Variants in TRPC1 observed in about 807,000 individuals in gnomAD.
TRPC1 encodes transient receptor potential cation channel subfamily C member 1.
In TRPC1, 42 loss-of-function variants were observed where a neutral mutation model predicts 88.2. The observed-to-expected ratio is 0.48, with a 90% confidence interval of 0.37 to 0.62. TRPC1 has a LOEUF of 0.62. TRPC1 is among the 20% of genes least tolerant of loss of function. The probability of loss-of-function intolerance (pLI) is 0.00; values close to 1 mark genes in which losing one functional copy is unlikely to be tolerated. For synonymous variants in TRPC1, 288 were observed against 331.8 expected (o/e 0.87, Z 1.43); for missense variants, 699 against 957.3 (o/e 0.73, Z 3.56).
chr3:142,742,113 A>C (rs1338247294), intron 2 of TRPC1, among the ~76,000 whole-genome samples: 2 of 151,818 alleles, frequency 1.3e-5, no homozygotes, highest in Non-Finnish European at 2.9e-5. Flanking sequence ...CAGTGAGCCA[A>C]GATTGTGCCA....
At chr3:142,755,333 G>A (rs1184000590) in intron 4 of TRPC1, among the ~76,000 whole-genome samples, 1 of 152,152 alleles carries the variant, frequency 6.6e-6, no homozygotes, top group Non-Finnish European at 1.5e-5. Flanking sequence ...GCTGAGGCAG[G>A]AGAATCACTT....
intron 3 of TRPC1, among the ~76,000 whole-genome samples, chr3:142,746,383 C>A (rs1934557032): frequency 6.6e-6 from 1 of 151,918 alleles, no homozygotes; most frequent in Non-Finnish European, 1.5e-5. Flanking sequence ...AACATGAGGA[C>A]CACTTTTCTC....
Position 142,780,849 on chromosome 3 carries a change from A to G in TRPC1, c.780A>G (p.Glu260=). ...CATTTTATAGGAATGATTATGAGGA[A>G]CTAGCCCGGCAATGTAAAATGTTTG... The part of the protein sequence containing the change: ...VEVEFRNDYE[E]LARQCKMFAK... Residue 260 remains glutamate, a synonymous_variant, in exon 6 of 13, where the codon GAA becomes GAG. Coordinates refer to ENST00000476941, the MANE Select transcript of TRPC1 (RefSeq NM_001251845.2). The G allele has an allele frequency of 6.2e-7, 1 of 1,609,684 alleles. No individual in the cohort carries two copies. The highest frequency in any genetic ancestry group is 8.5e-7 in the Non-Finnish European group (1 of 1,178,068).
intron 7 of TRPC1, among the ~76,000 whole-genome samples, chr3:142,785,491 TTTTTG>T (rs568298624): frequency 6.6e-5 from 10 of 152,122 alleles, no homozygotes; most frequent in African/African-American, 1.2e-4. Flanking sequence ...AGCTTTTTGG[TTTTTG>T]TTTTGTTTTG....
At chr3:142,760,938 G>A (rs1404980138) in intron 4 of TRPC1, among the ~76,000 whole-genome samples, 1 of 151,800 alleles carries the variant, frequency 6.6e-6, no homozygotes, top group Non-Finnish European at 1.5e-5. Context: ...GTTGATTTTT[G>A]TATCCTGCAA....
At chr3:142,795,852 T>C (rs978117660) in intron 9 of TRPC1, among the ~76,000 whole-genome samples, 34 of 152,252 alleles carry the variant, frequency 2.2e-4, no homozygotes, top group Non-Finnish European at 3.8e-4. Context: ...TTGTTGTTTC[T>C]TTTGCTTTTA....
At chr3:142,804,235 A>G in intron 11 of TRPC1, 57 bp downstream of exon 11, 2 of 1,493,584 alleles carry the variant, frequency 1.3e-6, no homozygotes, top group Non-Finnish European at 1.9e-6. Flanking sequence ...AAGTGCATAC[A>G]ATAGATAAGA....
intron 7 of TRPC1, chr3:142,785,417 T>A (rs1269045494): frequency 6.3e-6 from 1 of 159,336 alleles, no homozygotes; most frequent in Non-Finnish European, 1.4e-5. Flanking sequence ...TATACTGTTG[T>A]GCATTTTTAA....
chr3:142,792,639 CATA>C lies in TRPC1; in HGVS notation c.1438-178_1438-176del, dbSNP rs758945261. ...ATATAGAGTGATAATGCCTCACATA[CATA>C]ATAATATTTTATTTCATTAAAATAT... On this transcript the variant is annotated intron_variant, in intron 8 of 12. Transcript: ENST00000476941. The surrounding 1 kb of genome is among the most constrained non-coding windows in gnomAD (Gnocchi z 4.0). 1.3e-5 allele frequency among the ~76,000 whole-genome samples: 2 copies of C among 151,966 alleles called. No individual in the cohort carries two copies. The highest frequency in any genetic ancestry group is 1.5e-5 in the Non-Finnish European group (1 of 67,904).
intron 1 of TRPC1, among the ~76,000 whole-genome samples, chr3:142,731,937 C>G (rs1289705058): frequency 6.6e-6 from 1 of 152,154 alleles, no homozygotes; most frequent in Non-Finnish European, 1.5e-5. Flanking sequence ...CATCCACTAT[C>G]ATTTGTTTAC....
At chr3:142,727,285 T>C (rs1370451417) in intron 1 of TRPC1, among the ~76,000 whole-genome samples, 2 of 151,710 alleles carry the variant, frequency 1.3e-5, no homozygotes, top group Non-Finnish European at 2.9e-5. Flanking sequence ...ATTCTTTTCA[T>C]GTAGCATTCT....
chr3:142,800,594 G>C (rs762965872), intron 9 of TRPC1, among the ~76,000 whole-genome samples: 1 of 152,024 alleles, frequency 6.6e-6, no homozygotes, highest in African/African-American at 2.4e-5. Context: ...TTGAGGAAGG[G>C]TTGTTTCAAA....
At position 142,807,400 on chromosome 3, in the gene TRPC1, G is replaced by C. The variant is rs1019600497; in HGVS notation, c.*1165G>C. On this transcript the variant is annotated 3_prime_UTR_variant, in exon 13 of 13. Coordinates refer to ENST00000476941, the MANE Select transcript of TRPC1 (RefSeq NM_001251845.2). ...AATTTTTGGTGTGTTCACATAAAGG[G>C]ATGTAGCTAAAATGTTTTCATAGGC... 1.3e-5 allele frequency: 2 copies of C among 152,082 alleles called. No individual in the cohort carries two copies. Among genetic ancestry groups the C allele is most frequent in the African/African-American group, 4.8e-5 (2 of 41,392 alleles). 9.4% of individuals were successfully genotyped at this position (152,082 alleles called of 1,614,324 possible).
Position 142,725,078 on chromosome 3 carries a change from A to C in TRPC1, c.172+347A>C, listed in dbSNP as rs891728282. 2.0e-5 allele frequency among the ~76,000 whole-genome samples: 3 copies of C among 152,304 alleles called. No individual in the cohort carries two copies. In the South Asian group the frequency reaches 6.2e-4, roughly 32 times the overall value. ...TGACCTGGTCTTCTCTCTGGCTCGCAGTTCATTCCTTCCGGGAGTCGAGAG... is the reference window on the plus strand; with the variant it reads ...TGACCTGGTCTTCTCTCTGGCTCGCCGTTCATTCCTTCCGGGAGTCGAGAG... On this transcript the variant is annotated intron_variant, in intron 1 of 12. Transcript: ENST00000476941.
rs1388878479 is a variant in TRPC1, at chr3:142,807,865, T to C, written c.*1630T>C. On this transcript the variant is annotated 3_prime_UTR_variant, in exon 13 of 13. Transcript: ENST00000476941. Reference sequence around the variant, plus strand: ...ATATTGTAAGAAAAAAAAAGGTGAATAAAATTTGACATTAGATTATAAATG... The same window carrying C: ...ATATTGTAAGAAAAAAAAAGGTGAACAAAATTTGACATTAGATTATAAATG... 1 of 152,182 alleles carries C rather than the reference T, an allele frequency of 6.6e-6. No homozygotes were observed. Among genetic ancestry groups the C allele is most frequent in the African/African-American group, 2.4e-5 (1 of 41,454 alleles). 9.4% of individuals were successfully genotyped at this position (152,182 alleles called of 1,614,324 possible).
intron 9 of TRPC1, among the ~76,000 whole-genome samples, chr3:142,800,273 G>GGC (rs1045946873): frequency 6.6e-6 from 1 of 152,042 alleles, no homozygotes; most frequent in Non-Finnish European, 1.5e-5. Context: ...TTTGTAAGGG[G>GGC]GCCAAGTGAG....
chr3:142,749,835 T>C (rs893123033), intron 4 of TRPC1, among the ~76,000 whole-genome samples: 2 of 152,168 alleles, frequency 1.3e-5, no homozygotes, highest in African/African-American at 4.8e-5. Flanking sequence ...GGATTCCCTA[T>C]TTAATAAATA....
chr3:142,754,011 G>A (rs796179900), intron 4 of TRPC1, among the ~76,000 whole-genome samples: 22 of 149,076 alleles, frequency 1.5e-4, no homozygotes, highest in African/African-American at 5.5e-4. Flanking sequence ...CCTGTGCCCA[G>A]GAGGTTGAGG....
chr3:142,778,926 GTACTT>G (rs758867351), intron 5 of TRPC1, among the ~76,000 whole-genome samples: 3 of 152,174 alleles, frequency 2.0e-5, no homozygotes, highest in East Asian at 1.9e-4. Context: ...CATGAAGTAT[GTACTT>G]TACTTTGATG....
Sources: allele counts gnomAD v4.1 joint callset (sites outside exome capture counted in the v4.1 genomes callset), GRCh38; gene constraint gnomAD v4.1.1; non-coding constraint Gnocchi (gnomAD v3.1); transcripts MANE v1.5; gene names NCBI Gene and HGNC (gene_info 2026-07-23, HGNC 2026-07-21).